The following LHPP variants were observed in gnomAD, a reference collection of about 807,000 sequenced individuals.
The protein encoded by LHPP is hLHPP.
LHPP carries 24 observed loss-of-function variants against 30.3 expected under a neutral mutation model. The observed-to-expected ratio is 0.79, with a 90% CI of 0.57 to 1.11. LHPP has a LOEUF of 1.11. Ranked by LOEUF, LHPP falls within the 50% of genes most tolerant of loss-of-function variation. The pLI, the probability that LHPP is intolerant of heterozygous loss-of-function variation, is 0.00. For missense variants in LHPP, 356 were observed against 367.2 expected (o/e 0.97, Z 0.25); for synonymous variants, 150 against 157.1 (o/e 0.95, Z 0.34).
chr10:124,546,358 T>C (rs1955339407), intron 6 of LHPP, among the ~76,000 whole-genome samples: 1 of 152,354 alleles, frequency 6.6e-6, no homozygotes, highest in African/African-American at 2.4e-5. Context: ...CATTATTAAC[T>C]AAAGAAGACA....
intron 6 of LHPP, among the ~76,000 whole-genome samples, chr10:124,528,045 C>CCGCCGCACT (rs1380465492): frequency 4.3e-5 from 2 of 46,970 alleles, no homozygotes; most frequent in African/African-American, 1.2e-4. Flanking sequence ...CTGGGATTAC[C>CCGCCGCACT]CGGCTTGAGC....
At chr10:124,499,475 C>T (rs1050891802) in intron 5 of LHPP, among the ~76,000 whole-genome samples, 2 of 151,316 alleles carry the variant, frequency 1.3e-5, no homozygotes, top group African/African-American at 4.9e-5. Flanking sequence ...GAAACCCCAT[C>T]TCTACTAAAA....
chr10:124,584,904 G>A (rs1008760200), intron 6 of LHPP, among the ~76,000 whole-genome samples: 6 of 152,068 alleles, frequency 3.9e-5, no homozygotes, highest in African/African-American at 7.2e-5. Flanking sequence ...CTGTCCTCAC[G>A]CGATGGGTCG....
At chr10:124,538,042 C>T (rs1405294402) in intron 6 of LHPP, among the ~76,000 whole-genome samples, 1 of 152,246 alleles carries the variant, frequency 6.6e-6, no homozygotes, top group Non-Finnish European at 1.5e-5. Context: ...CTGAGCCTCC[C>T]ACCCCAGGCC....
At chr10:124,464,313 T>TA (rs1351991115) in intron 1 of LHPP, among the ~76,000 whole-genome samples, 1 of 152,192 alleles carries the variant, frequency 6.6e-6, no homozygotes, top group Non-Finnish European at 1.5e-5. Context: ...TCAATATACC[T>TA]ATCTGTAGGT....
intron 6 of LHPP, among the ~76,000 whole-genome samples, chr10:124,611,286 CTCAG>C (rs765294190): frequency 8.5e-5 from 13 of 152,064 alleles, no homozygotes; most frequent in Non-Finnish European, 1.8e-4. Flanking sequence ...GGGAGTAGAA[CTCAG>C]TCAGATCCCA....
At chr10:124,538,844 A>G (rs1397799240) in intron 6 of LHPP, among the ~76,000 whole-genome samples, 1 of 152,222 alleles carries the variant, frequency 6.6e-6, no homozygotes, top group East Asian at 1.9e-4. Flanking sequence ...TTTGCTGACC[A>G]GTGCAGGCTC....
rs566948790 is a variant in LHPP, at chr10:124,547,450, G to A, written c.716+30179G>A. ...AAAGTTCTAGAAGAGTCTGCAGCTC[G>A]TTCTCCCACCCCCTGCCCCCAGTGT... On this transcript the variant is annotated intron_variant, in intron 6 of 6. Transcript: ENST00000368842. Among the ~76,000 whole-genome samples, 9 of 152,344 alleles carry A rather than the reference G, an allele frequency of 5.9e-5. No individual in the cohort carries two copies. The South Asian group carries it at 8.3e-4, about 14-fold the overall frequency.
intron 6 of LHPP, among the ~76,000 whole-genome samples, chr10:124,535,272 C>T (rs939138393): frequency 1.3e-5 from 2 of 152,216 alleles, no homozygotes; most frequent in Non-Finnish European, 2.9e-5. Flanking sequence ...AAGTAACTTG[C>T]CTAAGGTCAC....
chr10:124,582,185 A>G (rs990972712), intron 6 of LHPP, among the ~76,000 whole-genome samples: 1 of 152,180 alleles, frequency 6.6e-6, no homozygotes, highest in Non-Finnish European at 1.5e-5. Context: ...GGCTCAAACC[A>G]TCCTTCTGCC....
rs1948668068 is a variant in LHPP at position 124,576,717 on chromosome 10, G to T, written c.717-36547G>T. On this transcript the variant is annotated intron_variant, in intron 6 of 6. Coordinates refer to ENST00000368842, the MANE Select transcript of LHPP (RefSeq NM_022126.4). This position sits in a 1 kb window ranked among gnomAD's most constrained non-coding sequence, Gnocchi z 4.2. ...GGCAGAGCTGAGGGCGGGGGTACTG[G>T]GGGGCTGAGGGGGGTTCTTTAGGGC... Among the ~76,000 whole-genome samples, 1 of 152,124 alleles carries T rather than the reference G, an allele frequency of 6.6e-6. No individual in the cohort carries two copies. Among genetic ancestry groups the T allele is most frequent in the Non-Finnish European group, 1.5e-5 (1 of 68,020 alleles).
intron 4 of LHPP, among the ~76,000 whole-genome samples, chr10:124,497,255 AT>A (rs1953747340): frequency 2.1e-5 from 1 of 47,214 alleles, no homozygotes; most frequent in Admixed American, 2.0e-4. Flanking sequence ...CATCCTCCCC[AT>A]CCTCCCCATC....
chr10:124,472,560 C>CT (rs1344794719), intron 1 of LHPP, among the ~76,000 whole-genome samples: 7,414 of 141,574 alleles, frequency 0.052, 631 homozygotes, highest in African/African-American at 0.18. Context: ...TATAAACTTA[C>CT]TTTTTTTTTT....
rs940057878 is a variant in LHPP, at chr10:124,596,375, C to T, written c.717-16889C>T. ...TACCATGTTGCGCTCCCGCCAGCCTCGCTGAGTTCCCATAGCACCATGTCT... is the reference window on the plus strand; with the variant it reads ...TACCATGTTGCGCTCCCGCCAGCCTTGCTGAGTTCCCATAGCACCATGTCT... On this transcript the variant is annotated intron_variant, in intron 6 of 6. Transcript: ENST00000368842. The surrounding 1 kb of genome is among the most constrained non-coding windows in gnomAD (Gnocchi z 4.6). 2.6e-5 allele frequency among the ~76,000 whole-genome samples: 4 copies of T among 152,178 alleles called. No individual in the cohort carries two copies. The highest frequency in any genetic ancestry group is 4.8e-5 in the African/African-American group (2 of 41,444).
chr10:124,545,177 C>T (rs150013132), intron 6 of LHPP, among the ~76,000 whole-genome samples: 1 of 152,168 alleles, frequency 6.6e-6, no homozygotes, highest in Non-Finnish European at 1.5e-5. Flanking sequence ...CTCCTGTGTG[C>T]GGCTCCCTCC....
At chr10:124,485,933 A>AG (rs1953311378) in intron 2 of LHPP, among the ~76,000 whole-genome samples, 1 of 152,084 alleles carries the variant, frequency 6.6e-6, no homozygotes, top group South Asian at 2.1e-4. Context: ...CTTCACCTAG[A>AG]TTGTCAATGA....
rs528523210 is a variant in LHPP at position 124,576,829 on chromosome 10, G to A, written c.717-36435G>A. ...GTGCACCTGTCCTTCCGTAGCCCAC[G>A]ATACCTCATCCAGCCCGGGCCCGTG... On this transcript the variant is annotated intron_variant, in intron 6 of 6. Coordinates refer to ENST00000368842, the MANE Select transcript of LHPP (RefSeq NM_022126.4). This position sits in a 1 kb window ranked among gnomAD's most constrained non-coding sequence, Gnocchi z 4.2. Among the ~76,000 whole-genome samples, 8 of 150,996 alleles carry A rather than the reference G, an allele frequency of 5.3e-5. No individual in the cohort carries two copies. The South Asian group carries it at 1.0e-3, about 20-fold the overall frequency.
At chr10:124,573,331 CT>C (rs1564837229) in intron 6 of LHPP, among the ~76,000 whole-genome samples, 2 of 152,190 alleles carry the variant, frequency 1.3e-5, no homozygotes, top group Admixed American at 1.3e-4. Flanking sequence ...GGATTTTTTT[CT>C]TTTTGAGATG....
chr10:124,497,895 G>C, intron 4 of LHPP, 141 bp from the exon 5 acceptor site: 1 of 681,640 alleles, frequency 1.5e-6, no homozygotes, highest in Non-Finnish European at 2.6e-6. Context: ...CTGCCTGTGA[G>C]ATGAGTTCTC....
Sources: allele counts gnomAD v4.1 joint callset (sites outside exome capture counted in the v4.1 genomes callset), GRCh38; gene constraint gnomAD v4.1.1; non-coding constraint Gnocchi (gnomAD v3.1); transcripts MANE v1.5; gene names NCBI Gene and HGNC (gene_info 2026-07-23, HGNC 2026-07-21).